Variants in MAST4 observed in about 807,000 individuals in gnomAD.
MAST4 encodes the protein microtubule-associated serine/threonine-protein kinase 4.
In MAST4, 89 loss-of-function variants were observed where a neutral mutation model predicts 162.7. The observed-to-expected ratio is 0.55, with a 90% CI of 0.46 to 0.65. The LOEUF (loss-of-function observed/expected upper bound fraction) is 0.65. MAST4 is among the 30% of genes least tolerant of loss of function. MAST4 has a pLI of 0.00. For synonymous variants in MAST4, 1,479 were observed against 1,361.1 expected (o/e 1.09, Z -1.91); for missense variants, 3,153 against 3,374.0 (o/e 0.93, Z 1.62).
intron 4 of MAST4, among the ~76,000 whole-genome samples, chr5:67,046,502 T>C (rs971212369): frequency 6.6e-6 from 1 of 152,234 alleles, no homozygotes; most frequent in Non-Finnish European, 1.5e-5. Context: ...CCTTTTATAC[T>C]TTAAACACTT....
intron 1 of MAST4, among the ~76,000 whole-genome samples, chr5:66,616,843 CCTTTTA>C (rs1032596732): frequency 9.2e-5 from 14 of 152,314 alleles, no homozygotes; most frequent in Non-Finnish European, 5.9e-5. Flanking sequence ...CCCTTTCTTT[CCTTTTA>C]CTGATAAGTT....
At chr5:66,860,277 C>T (rs1439213554) in intron 3 of MAST4, among the ~76,000 whole-genome samples, 3 of 152,140 alleles carry the variant, frequency 2.0e-5, no homozygotes, top group African/African-American at 7.2e-5. Flanking sequence ...CAGAGTGTAA[C>T]ACATAGGAAC....
intron 1 of MAST4, among the ~76,000 whole-genome samples, chr5:66,703,157 T>C (rs1749890042): frequency 6.6e-6 from 1 of 151,244 alleles, no homozygotes; most frequent in Non-Finnish European, 1.5e-5. Flanking sequence ...GGGAGGGGAG[T>C]AGGGGGTAGG....
intron 3 of MAST4, among the ~76,000 whole-genome samples, chr5:66,808,541 A>G (rs1051464231): frequency 1.3e-5 from 2 of 152,136 alleles, no homozygotes; most frequent in Admixed American, 6.5e-5. Context: ...TAGGCTAATT[A>G]TACTTTTTGT....
chr5:66,672,908 C>T (rs1747697739), intron 1 of MAST4, among the ~76,000 whole-genome samples: 1 of 152,184 alleles, frequency 6.6e-6, no homozygotes, highest in African/African-American at 2.4e-5. Context: ...TATCCCCCAG[C>T]CCTTACATGA....
chr5:66,837,205 A>G (rs907928023), intron 3 of MAST4, among the ~76,000 whole-genome samples: 1 of 152,214 alleles, frequency 6.6e-6, no homozygotes, highest in Admixed American at 6.5e-5. Context: ...AGAGTTGCTG[A>G]GTATGAATTC....
At chr5:66,629,819 C>T (rs1744682550) in intron 1 of MAST4, among the ~76,000 whole-genome samples, 1 of 152,142 alleles carries the variant, frequency 6.6e-6, no homozygotes, top group Non-Finnish European at 1.5e-5. Flanking sequence ...TGGTTAATCA[C>T]ATTTGAATAG....
intron 2 of MAST4, among the ~76,000 whole-genome samples, chr5:66,776,268 T>C (rs1754597915): frequency 6.6e-6 from 1 of 152,186 alleles, no homozygotes; most frequent in Non-Finnish European, 1.5e-5. Context: ...TGGATGGTTG[T>C]CAGAAATGTT....
In MAST4 at chr5:66,697,869, A is replaced by G. The variant is rs376585620; in HGVS notation, c.364-61840A>G. On this transcript the variant is annotated intron_variant, in intron 1 of 28. Coordinates refer to ENST00000403625, the MANE Select transcript of MAST4 (RefSeq NM_001164664.2). ...TATCATAGATATGACACCTAATAACATTTATGAGTACAAAGGGGGCCTGAA... is the reference window on the plus strand; with the variant it reads ...TATCATAGATATGACACCTAATAACGTTTATGAGTACAAAGGGGGCCTGAA... 1.8e-3 allele frequency among the ~76,000 whole-genome samples: 270 copies of G among 152,316 alleles called. 1 individual carries two copies. Among genetic ancestry groups the G allele is most frequent in the African/African-American group, 6.1e-3 (253 of 41,570 alleles).
At chr5:66,934,824 C>A (rs576121557) in intron 4 of MAST4, among the ~76,000 whole-genome samples, 1 of 152,272 alleles carries the variant, frequency 6.6e-6, no homozygotes, top group East Asian at 1.9e-4. Flanking sequence ...TGTTGTCAAA[C>A]CATGAGCTCT....
chr5:67,076,692 C>T (rs1036805472), intron 5 of MAST4, among the ~76,000 whole-genome samples: 4 of 152,132 alleles, frequency 2.6e-5, no homozygotes, highest in African/African-American at 9.7e-5. Context: ...TTCCTGGGCT[C>T]CACCTCCATC....
At chr5:67,091,749 T>G (rs897670664) in intron 6 of MAST4, among the ~76,000 whole-genome samples, 3 of 152,068 alleles carry the variant, frequency 2.0e-5, no homozygotes, top group Non-Finnish European at 4.4e-5. Context: ...ATCTAATAAT[T>G]AAATAGGTGA....
intron 4 of MAST4, among the ~76,000 whole-genome samples, chr5:67,039,961 T>TTATA (rs34027825): frequency 1.1e-3 from 162 of 147,922 alleles, no homozygotes; most frequent in African/African-American, 3.2e-3. Flanking sequence ...TTTTGAGATT[T>TTATA]TATATATATA....
intron 19 of MAST4, among the ~76,000 whole-genome samples, chr5:67,137,309 C>T (rs1023310377): frequency 6.6e-6 from 1 of 152,162 alleles, no homozygotes; most frequent in Non-Finnish European, 1.5e-5. Flanking sequence ...ATTCCCTTTT[C>T]TTCTCTGTAT....
At chr5:66,876,954 G>C (rs1283616934) in intron 3 of MAST4, among the ~76,000 whole-genome samples, 1 of 152,212 alleles carries the variant, frequency 6.6e-6, no homozygotes, top group Non-Finnish European at 1.5e-5. Context: ...CAATTCTGCA[G>C]TATCATACTT....
At chr5:66,849,869 G>T (rs1460879300) in intron 3 of MAST4, among the ~76,000 whole-genome samples, 1 of 152,174 alleles carries the variant, frequency 6.6e-6, no homozygotes, top group Non-Finnish European at 1.5e-5. Flanking sequence ...AGTTTAAAAA[G>T]AAATATAATT....
chr5:67,166,421 C>T lies in MAST4; in HGVS notation c.7242C>T (p.Phe2414=), dbSNP rs1184406881. The T allele has an allele frequency of 6.2e-7, 1 of 1,607,556 alleles. No individual in the cohort carries two copies. Among genetic ancestry groups the T allele is most frequent in the South Asian group, 1.1e-5 (1 of 89,962 alleles). ...ERPAAGVGKG[F]PEARGKGPGP... ...CAGCCGCGGGGGTGGGGAAGGGCTT[C>T]CCTGAGGCCAGAGGGAAAGGGCCCG... Residue 2414 remains phenylalanine, a synonymous_variant, in exon 29 of 29, where the codon TTC becomes TTT. Transcript: ENST00000403625.
chr5:66,873,124 G>T (rs1470620705), intron 3 of MAST4, among the ~76,000 whole-genome samples: 2 of 152,146 alleles, frequency 1.3e-5, no homozygotes, highest in Non-Finnish European at 2.9e-5. Flanking sequence ...GATGTCTGTT[G>T]CCTTAATGTG....
In MAST4 at chr5:66,596,600, G is replaced by C. The variant is rs965736644; in HGVS notation, c.-56G>C. 7.3e-7 allele frequency: 1 copy of C among 1,379,112 alleles called. No homozygotes were observed. Among genetic ancestry groups the C allele is most frequent in the Non-Finnish European group, 9.3e-7 (1 of 1,070,150 alleles). The allele number at this position is 1,379,112 out of a possible 1,614,324, so 85.4% of individuals were successfully genotyped here. On this transcript the variant is annotated 5_prime_UTR_variant, in exon 1 of 29. Coordinates refer to ENST00000403625, the MANE Select transcript of MAST4 (RefSeq NM_001164664.2). ...GGAGCCCGCGTCTTCCCCGGGAGGCGCTGAGTGCGCGCCGCGCCCCCGCCG... is the reference window on the plus strand; with the variant it reads ...GGAGCCCGCGTCTTCCCCGGGAGGCCCTGAGTGCGCGCCGCGCCCCCGCCG...
Sources: gnomAD v4.1 joint callset for allele counts (sites outside exome capture counted in the v4.1 genomes callset) on GRCh38, gnomAD v4.1.1 for gene constraint, MANE v1.5 for transcripts, NCBI Gene and HGNC (gene_info 2026-07-23, HGNC 2026-07-21) for gene names.